SLC4A4: variants seen among roughly 807,000 people sequenced by gnomAD.
SLC4A4 encodes the protein electrogenic sodium bicarbonate cotransporter 1.
A neutral mutation model predicts 111.5 loss-of-function variants in SLC4A4; 27 were observed. The observed-to-expected ratio is 0.24, with a 90% CI of 0.18 to 0.33. The LOEUF is 0.33. Ranked by LOEUF, SLC4A4 falls within the 10% of genes least tolerant of loss-of-function variation. The probability of loss-of-function intolerance (pLI) is 1.00; values close to 1 mark genes in which losing one functional copy is unlikely to be tolerated. For synonymous variants in SLC4A4, 443 were observed against 463.4 expected, an observed-to-expected ratio of 0.96 and a Z score of 0.57; for missense variants, 909 against 1,315.5, an observed-to-expected ratio of 0.69 and a Z score of 4.78.
intron 2 of SLC4A4, among the ~76,000 whole-genome samples, chr4:71,108,120 C>G (rs547483464): frequency 7.9e-5 from 12 of 152,142 alleles, no homozygotes; most frequent in Non-Finnish European, 2.9e-5. Context: ...CAGTGTGTGT[C>G]CCAAAACACA....
chr4:71,394,038 A>G (rs1719559584), intron 6 of SLC4A4, among the ~76,000 whole-genome samples: 1 of 152,190 alleles, frequency 6.6e-6, no homozygotes, highest in Admixed American at 6.5e-5. Flanking sequence ...ACTTAAATCT[A>G]AGACCTGCAA....
intron 1 of SLC4A4, among the ~76,000 whole-genome samples, chr4:71,208,443 A>AAAAAAT (rs1553962712): frequency 6.9e-6 from 1 of 144,838 alleles, no homozygotes; most frequent in African/African-American, 2.6e-5. Context: ...AAAAAAAAAA[A>AAAAAAT]ATATATATAT....
chr4:71,255,491 G>A, intron 3 of SLC4A4, 92 bp downstream of exon 3: 1 of 1,259,016 alleles, frequency 7.9e-7, no homozygotes, highest in Non-Finnish European at 1.2e-6. Flanking sequence ...TAAAGGGGAG[G>A]GACACTGTAA....
intron 9 of SLC4A4, 90 bp downstream of exon 9, chr4:71,447,823 T>C: frequency 2.4e-6 from 2 of 849,508 alleles, no homozygotes; most frequent in Non-Finnish European, 4.0e-6. Context: ...TCAATTAGAA[T>C]TATGTGGTTA....
intron 14 of SLC4A4, among the ~76,000 whole-genome samples, chr4:71,477,364 T>C (rs1289281128): frequency 1.3e-5 from 2 of 151,790 alleles, no homozygotes; most frequent in East Asian, 3.9e-4. Flanking sequence ...ATAATAGTTG[T>C]ATTCTTTAAA....
chr4:71,547,980 C>T (rs1735677963), intron 20 of SLC4A4, among the ~76,000 whole-genome samples: 1 of 151,854 alleles, frequency 6.6e-6, no homozygotes, highest in Non-Finnish European at 1.5e-5. Context: ...ACTTTCTGAT[C>T]TGTGAAAATA....
intron 2 of SLC4A4, among the ~76,000 whole-genome samples, chr4:71,129,576 A>G (rs1288396196): frequency 6.6e-6 from 1 of 152,144 alleles, no homozygotes; most frequent in African/African-American, 2.4e-5. Context: ...AAAGAACTCA[A>G]AATGGCATTA....
chr4:71,466,418 T>C (rs752327130), intron 12 of SLC4A4, 26 bp from the exon 13 acceptor site: 2 of 1,612,878 alleles, frequency 1.2e-6, no homozygotes, highest in South Asian at 2.2e-5. Context: ...GTGTTTCATT[T>C]AACATCTATA....
intron 2 of SLC4A4, among the ~76,000 whole-genome samples, chr4:71,151,218 G>A (rs955185821): frequency 6.6e-6 from 1 of 152,180 alleles, no homozygotes; most frequent in African/African-American, 2.4e-5. Context: ...CTGGTTTGCT[G>A]CCAACCTCTT....
At chr4:71,095,357 A>G (rs1360385769) in intron 2 of SLC4A4, among the ~76,000 whole-genome samples, 1 of 152,248 alleles carries the variant, frequency 6.6e-6, no homozygotes, top group Non-Finnish European at 1.5e-5. Context: ...AGGCCCCAGG[A>G]CAGCCAAGAC....
intron 18 of SLC4A4, among the ~76,000 whole-genome samples, chr4:71,541,672 A>G (rs1039972353): frequency 6.8e-6 from 1 of 147,916 alleles, no homozygotes; most frequent in Non-Finnish European, 1.5e-5. Flanking sequence ...TCAGAACTGC[A>G]TTTGAAACAC....
intron 6 of SLC4A4, among the ~76,000 whole-genome samples, chr4:71,369,288 G>C (rs888513675): frequency 1.3e-5 from 2 of 152,220 alleles, no homozygotes; most frequent in Admixed American, 1.3e-4. Context: ...CGTAATTGCT[G>C]ACTTATTTCT....
chr4:71,313,148 A>T (rs1726348604), intron 3 of SLC4A4, among the ~76,000 whole-genome samples: 1 of 152,234 alleles, frequency 6.6e-6, no homozygotes, highest in South Asian at 2.1e-4. Flanking sequence ...ACAAACAGAG[A>T]GTCAAATCAT....
At chr4:71,414,101 G>A (rs1288222995) in intron 7 of SLC4A4, among the ~76,000 whole-genome samples, 2 of 152,198 alleles carry the variant, frequency 1.3e-5, no homozygotes, top group Admixed American at 6.5e-5. Flanking sequence ...TGAAACTGTG[G>A]ATGCTTTCAC....
chr4:71,318,956 A>G (rs1284761041), intron 3 of SLC4A4, among the ~76,000 whole-genome samples: 1 of 151,908 alleles, frequency 6.6e-6, no homozygotes, highest in Non-Finnish European at 1.5e-5. Flanking sequence ...GTGGCTGGAC[A>G]TATCTTAGGC....
chr4:71,287,293 A>G (rs1405183384), intron 3 of SLC4A4, among the ~76,000 whole-genome samples: 1 of 152,250 alleles, frequency 6.6e-6, no homozygotes, highest in Non-Finnish European at 1.5e-5. Context: ...TTAAAATGAA[A>G]TGAAATACAA....
intron 1 of SLC4A4, among the ~76,000 whole-genome samples, chr4:71,219,434 A>G (rs1718614888): frequency 6.6e-6 from 1 of 152,188 alleles, no homozygotes. Flanking sequence ...TACTTTCAAA[A>G]TTTTGCTGCT....
chr4:71,179,090 C>T (rs973010423), intron 2 of SLC4A4, among the ~76,000 whole-genome samples: 18 of 152,212 alleles, frequency 1.2e-4, no homozygotes, highest in African/African-American at 4.3e-4. Flanking sequence ...ATAAACAGAA[C>T]CAATGACAAA....
At chr4:71,462,395 A>G (rs963400890) in intron 12 of SLC4A4, among the ~76,000 whole-genome samples, 32 of 146,984 alleles carry the variant, frequency 2.2e-4, no homozygotes, top group African/African-American at 7.5e-4. Flanking sequence ...CTTAGAGATT[A>G]TCCAGTCCAA....
Sources: gnomAD v4.1 joint callset for allele counts (sites outside exome capture counted in the v4.1 genomes callset) on GRCh38, gnomAD v4.1.1 for gene constraint, MANE v1.5 for transcripts, NCBI Gene and HGNC (gene_info 2026-07-23, HGNC 2026-07-21) for gene names.